DIPK1A: variants seen among roughly 807,000 people sequenced by gnomAD.
DIPK1A encodes divergent protein kinase domain 1A.
Under a neutral mutation model 40.8 loss-of-function variants are expected in DIPK1A, and 27 were observed. That is an observed-to-expected ratio of 0.66 (90% CI 0.49 to 0.91). DIPK1A has a LOEUF of 0.91. DIPK1A is among the 40% of genes least tolerant of loss of function. The probability of loss-of-function intolerance (pLI) is 0.00; values close to 1 mark genes in which losing one functional copy is unlikely to be tolerated. For synonymous variants in DIPK1A, 166 were observed against 171.3 expected (o/e 0.97, Z 0.24); for missense variants, 412 against 505.7 (o/e 0.81, Z 1.78).
intron 1 of DIPK1A, among the ~76,000 whole-genome samples, chr1:92,902,014 C>T (rs1029826622): frequency 2.0e-5 from 3 of 152,064 alleles, no homozygotes; most frequent in African/African-American, 7.2e-5. Context: ...GGGTGAAGTG[C>T]CACTTCAGCT....
intron 1 of DIPK1A, among the ~76,000 whole-genome samples, chr1:92,950,307 A>C (rs1651574150): frequency 6.6e-6 from 1 of 152,204 alleles, no homozygotes; most frequent in African/African-American, 2.4e-5. Context: ...GTTTTTCAGG[A>C]TTGATAGAGC....
intron 2 of DIPK1A, among the ~76,000 whole-genome samples, chr1:92,860,709 A>G (rs969934364): frequency 1.3e-5 from 2 of 150,930 alleles, no homozygotes; most frequent in Non-Finnish European, 2.9e-5. Flanking sequence ...GCTTGAACCC[A>G]GGAGGAGGAG....
At chr1:92,861,180 G>T (rs1025405314) in intron 2 of DIPK1A, among the ~76,000 whole-genome samples, 5 of 152,022 alleles carry the variant, frequency 3.3e-5, no homozygotes, top group Non-Finnish European at 5.9e-5. Context: ...ATAAGATGTT[G>T]GCTGTGGGTT....
At chr1:92,873,238 C>A (rs1329317625) in intron 2 of DIPK1A, among the ~76,000 whole-genome samples, 1 of 152,150 alleles carries the variant, frequency 6.6e-6, no homozygotes, top group African/African-American at 2.4e-5. Flanking sequence ...ATTACCCTAG[C>A]CCCTTAAGAC....
At position 92,846,819 on chromosome 1, in the gene DIPK1A, A is replaced by ATATGTGTG. The variant is rs1557449768; in HGVS notation, c.474+363_474+364insCACACATA. Among the ~76,000 whole-genome samples the ATATGTGTG allele has an allele frequency of 1.3e-3, 5 of 3,960 alleles. 1 individual carries two copies. The highest frequency in any genetic ancestry group is 1.8e-3 in the Non-Finnish European group (5 of 2,754). The allele number at this position is 3,960 out of a possible 152,430, so 2.6% of individuals were successfully genotyped here. A position where few individuals can be genotyped will look rare whatever the true frequency, so the allele number is the denominator to read the frequency against. ...TATATATATATATATATATATATAT[A>ATATGTGTG]TATATATATATATATATATATATGT... On this transcript the variant is annotated intron_variant, in intron 4 of 4. Transcript: ENST00000370310.
chr1:92,834,937 G>T, intron 4 of DIPK1A: 1 of 1,599,882 alleles, frequency 6.3e-7, no homozygotes, highest in African/African-American at 1.3e-5. Flanking sequence ...GATTTTAATT[G>T]ATGTAGTTTG....
chr1:92,948,662 C>CATATGTGTATATATACGTATATATAT (rs1651473973), intron 1 of DIPK1A, among the ~76,000 whole-genome samples: 1 of 143,728 alleles, frequency 7.0e-6, no homozygotes, highest in South Asian at 2.2e-4. Flanking sequence ...CGTATATATA[C>CATATGTGTATATATACGTATATATAT]ATATGTGTAT....
At chr1:92,858,152 G>A (rs980482014) in intron 2 of DIPK1A, among the ~76,000 whole-genome samples, 1 of 152,114 alleles carries the variant, frequency 6.6e-6, no homozygotes, top group Admixed American at 6.5e-5. Flanking sequence ...TCATGGGATC[G>A]GACTTAAAGA....
intron 1 of DIPK1A, among the ~76,000 whole-genome samples, chr1:92,920,640 A>G (rs1235625763): frequency 2.0e-5 from 3 of 152,240 alleles, no homozygotes; most frequent in African/African-American, 7.2e-5. Context: ...CTACCTTAGA[A>G]GATTAACAGA....
chr1:92,927,078 G>GA (rs200920238), intron 1 of DIPK1A, among the ~76,000 whole-genome samples: 43 of 149,810 alleles, frequency 2.9e-4, no homozygotes, highest in Middle Eastern at 6.8e-3. Flanking sequence ...GGGGTGAACT[G>GA]AAAAAAAAAA....
intron 1 of DIPK1A, among the ~76,000 whole-genome samples, chr1:92,949,114 A>C (rs1651522642): frequency 6.6e-6 from 1 of 151,882 alleles, no homozygotes; most frequent in Non-Finnish European, 1.5e-5. Flanking sequence ...GCATACAAAT[A>C]AAGAACCAAC....
intron 2 of DIPK1A, among the ~76,000 whole-genome samples, chr1:92,872,715 A>G (rs1268772102): frequency 1.3e-5 from 2 of 152,182 alleles, no homozygotes; most frequent in East Asian, 3.8e-4. Context: ...ACTTGGTTGT[A>G]GCTCTGGGTA....
chr1:92,841,863 T>C, downstream of DIPK1A: 1 of 1,610,412 alleles, frequency 6.2e-7, no homozygotes, highest in Middle Eastern at 2.1e-4. Context: ...TGCTGAGAGC[T>C]AAACCCAGCA....
Position 92,843,267 on chromosome 1 carries a change from C to T in DIPK1A, c.*116G>A, listed in dbSNP as rs1041522014. On this transcript the variant is annotated 3_prime_UTR_variant, in exon 5 of 5. Transcript: ENST00000370310. The stretch of plus-strand genomic sequence containing the variant: ...ATCACATACTGATGGCTTCTCAGGC[C>T]TGGGGGGAAGGAGTTTTGTGTAACT... The T allele has an allele frequency of 6.9e-6, 10 of 1,450,180 alleles. No individual in the cohort carries two copies. In the African/African-American group the frequency reaches 1.1e-4, roughly 17 times the overall value. 89.8% of individuals were successfully genotyped at this position (1,450,180 alleles called of 1,614,324 possible).
chr1:92,896,958 C>T (rs1209735511), intron 1 of DIPK1A, among the ~76,000 whole-genome samples: 1 of 151,866 alleles, frequency 6.6e-6, no homozygotes, highest in Non-Finnish European at 1.5e-5. Flanking sequence ...CAGTGAGATA[C>T]CATCTCACAC....
chr1:92,880,845 G>A (rs1393328106), intron 1 of DIPK1A, among the ~76,000 whole-genome samples: 2 of 151,200 alleles, frequency 1.3e-5, no homozygotes, highest in African/African-American at 4.9e-5. Context: ...ACTCCAGCCT[G>A]GGCAACAGAG....
intron 1 of DIPK1A, among the ~76,000 whole-genome samples, chr1:92,894,126 T>C (rs200047395): frequency 0.071 from 6,872 of 96,278 alleles, no homozygotes; most frequent in Non-Finnish European, 0.095. Flanking sequence ...TATCCAGGAA[T>C]TGAACTCAGC....
intron 1 of DIPK1A, among the ~76,000 whole-genome samples, chr1:92,929,998 T>C (rs1345395790): frequency 6.6e-6 from 1 of 152,150 alleles, no homozygotes; most frequent in Non-Finnish European, 1.5e-5. Context: ...TTAGAAAACA[T>C]AACCACCCTT....
intron 1 of DIPK1A, among the ~76,000 whole-genome samples, chr1:92,938,140 T>G (rs935701889): frequency 6.6e-6 from 1 of 151,992 alleles, no homozygotes; most frequent in Non-Finnish European, 1.5e-5. Context: ...GGCATGGTGG[T>G]GCACACCTGT....
Sources: allele counts gnomAD v4.1 joint callset (sites outside exome capture counted in the v4.1 genomes callset), GRCh38; gene constraint gnomAD v4.1.1; transcripts MANE v1.5; gene names NCBI Gene and HGNC (gene_info 2026-07-23, HGNC 2026-07-21).